Variants in PIEZO2 observed in about 807,000 individuals in gnomAD.
The protein encoded by PIEZO2 is piezo type mechanosensitive ion channel component 2.
In PIEZO2, 172 loss-of-function variants were observed where a neutral mutation model predicts 337.3. That is an observed-to-expected ratio of 0.51 (90% CI 0.45 to 0.58). The LOEUF (loss-of-function observed/expected upper bound fraction) is 0.58, where lower values mean the gene tolerates loss of function less well. Ranked by LOEUF, PIEZO2 falls within the 20% of genes least tolerant of loss-of-function variation. The pLI, the probability that PIEZO2 is intolerant of heterozygous loss-of-function variation, is 0.00. For missense variants in PIEZO2, 3,028 were observed against 3,391.3 expected, an observed-to-expected ratio of 0.89 and a Z score of 2.66; for synonymous variants, 1,251 against 1,228.5, an observed-to-expected ratio of 1.02 and a Z score of -0.38.
intron 2 of PIEZO2, among the ~76,000 whole-genome samples, chr18:11,015,375 C>T (rs1251013003): frequency 6.6e-6 from 1 of 152,186 alleles, no homozygotes; most frequent in African/African-American, 2.4e-5. Flanking sequence ...TGTCTTCCTT[C>T]TCTGTGTGCT....
At chr18:10,977,648 G>A (rs1464024198) in intron 3 of PIEZO2, among the ~76,000 whole-genome samples, 1 of 152,074 alleles carries the variant, frequency 6.6e-6, no homozygotes, top group Non-Finnish European at 1.5e-5. Flanking sequence ...TAAACACTGT[G>A]TTTCATCAAG....
chr18:10,998,199 C>G (rs1021301200), intron 2 of PIEZO2, among the ~76,000 whole-genome samples: 1 of 152,022 alleles, frequency 6.6e-6, no homozygotes, highest in Non-Finnish European at 1.5e-5. Flanking sequence ...AAAATATCCT[C>G]AGAGGAAGGA....
At chr18:10,998,638 T>C (rs1406410236) in intron 2 of PIEZO2, among the ~76,000 whole-genome samples, 5 of 151,922 alleles carry the variant, frequency 3.3e-5, no homozygotes, top group Non-Finnish European at 2.9e-5. Context: ...ACCCAGACAA[T>C]AGATTTGCAA....
In PIEZO2 at chr18:10,750,354, G is replaced by GA. The variant is rs1003419586; in HGVS notation, c.4168-168_4168-167insT. Among the ~76,000 whole-genome samples the GA allele has an allele frequency of 6.6e-6, 1 of 152,206 alleles. No individual in the cohort carries two copies. The highest frequency in any genetic ancestry group is 2.4e-5 in the African/African-American group (1 of 41,452). Reference sequence around the variant, plus strand: ...GTCACCTTGTGGTAGTGCTTCAGGAGCAATGTAAATTCCTGGGAAAAATTA... The same window carrying GA: ...GTCACCTTGTGGTAGTGCTTCAGGAGACAATGTAAATTCCTGGGAAAAATTA... On this transcript the variant is annotated intron_variant, in intron 28 of 55. Transcript: ENST00000674853. The surrounding 1 kb of genome is among the most constrained non-coding windows in gnomAD (Gnocchi z 4.1).
chr18:10,911,427 G>A (rs1398010419), intron 3 of PIEZO2, among the ~76,000 whole-genome samples, 199 bp from the exon 4 acceptor site: 1 of 143,000 alleles, frequency 7.0e-6, no homozygotes, highest in Non-Finnish European at 1.5e-5. Flanking sequence ...CGCATATACA[G>A]AAGTCGAGTC....
rs138086053 is a variant in PIEZO2, at chr18:10,963,554, C to T, written c.286+15981G>A. Among the ~76,000 whole-genome samples the T allele has an allele frequency of 2.5e-3, 376 of 152,306 alleles. 3 individuals carry two copies. Among genetic ancestry groups the T allele is most frequent in the African/African-American group, 8.4e-3 (349 of 41,570 alleles). On this transcript the variant is annotated intron_variant, in intron 3 of 55. Coordinates refer to ENST00000674853, the MANE Select transcript of PIEZO2 (RefSeq NM_001378183.1). Reference sequence around the variant, plus strand: ...ATAAGAAAAAAACTTAATTCACTTTCTGCATTTATCTTCTGTTTCTCCCAA... The same window carrying T: ...ATAAGAAAAAAACTTAATTCACTTTTTGCATTTATCTTCTGTTTCTCCCAA...
chr18:10,949,736 T>A (rs1773586597), intron 3 of PIEZO2, among the ~76,000 whole-genome samples: 1 of 152,208 alleles, frequency 6.6e-6, no homozygotes, highest in Non-Finnish European at 1.5e-5. Context: ...TTCCAGACCC[T>A]CTAAGAAGTC....
rs1224877883 is a variant in PIEZO2 at position 11,148,511 on chromosome 18, C to A, written c.64+14G>T. Reference sequence around the variant, plus strand: ...GTCCTCCTCAAGTGCCCTCGGAAAGCGGACCAGACTCACCTACTGCCAGGC... The same window carrying A: ...GTCCTCCTCAAGTGCCCTCGGAAAGAGGACCAGACTCACCTACTGCCAGGC... On this transcript the variant is annotated intron_variant, in intron 1 of 55. Transcript: ENST00000674853. The surrounding 1 kb of genome is among the most constrained non-coding windows in gnomAD (Gnocchi z 5.2). The A allele has an allele frequency of 6.5e-7, 1 of 1,537,118 alleles. No homozygotes were observed. The highest frequency in any genetic ancestry group is 8.7e-7 in the Non-Finnish European group (1 of 1,146,836).
At chr18:10,986,765 G>A (rs2034890118) in intron 2 of PIEZO2, among the ~76,000 whole-genome samples, 1 of 151,886 alleles carries the variant, frequency 6.6e-6, no homozygotes, top group South Asian at 2.1e-4. Flanking sequence ...AGTTGAAAAG[G>A]AAGATATTAA....
chr18:10,727,276 A>G lies in PIEZO2; in HGVS notation c.5029+4131T>C, dbSNP rs555843703. ...TGGGAATAGAAACTTGTTCTTGCATAAGATGGCTTTGGTTGTCCCGGTACT... is the reference window on the plus strand; with the variant it reads ...TGGGAATAGAAACTTGTTCTTGCATGAGATGGCTTTGGTTGTCCCGGTACT... On this transcript the variant is annotated intron_variant, in intron 36 of 55. Coordinates refer to ENST00000674853, the MANE Select transcript of PIEZO2 (RefSeq NM_001378183.1). The surrounding 1 kb of genome is among the most constrained non-coding windows in gnomAD (Gnocchi z 6.3). 1.8e-3 allele frequency: 322 copies of G among 181,696 alleles called. 1 individual carries two copies. The highest frequency in any genetic ancestry group is 7.2e-3 in the African/African-American group (307 of 42,628). The allele number at this position is 181,696 out of a possible 1,614,324, so 11.3% of individuals were successfully genotyped here.
Position 10,903,574 on chromosome 18 carries a change from G to C in PIEZO2, c.329+7612C>G, listed in dbSNP as rs947997633. On this transcript the variant is annotated intron_variant, in intron 4 of 55. Transcript: ENST00000674853. This position sits in a 1 kb window ranked among gnomAD's most constrained non-coding sequence, Gnocchi z 4.1. ...AGTCCCAGCTACTTGGGAGGCTGAGGCAGGAGAATGGCATGAACCCAGGAG... is the reference window on the plus strand; with the variant it reads ...AGTCCCAGCTACTTGGGAGGCTGAGCCAGGAGAATGGCATGAACCCAGGAG... Among the ~76,000 whole-genome samples the C allele has an allele frequency of 6.6e-6, 1 of 152,112 alleles. No homozygotes were observed. Among genetic ancestry groups the C allele is most frequent in the Admixed American group, 6.5e-5 (1 of 15,292 alleles).
chr18:11,007,679 C>T (rs574656365), intron 2 of PIEZO2, among the ~76,000 whole-genome samples: 15 of 152,204 alleles, frequency 9.9e-5, no homozygotes, highest in African/African-American at 3.6e-4. Flanking sequence ...CTAAAATCAT[C>T]GAAAACAATG....
At chr18:10,897,300 C>T (rs1454587842) in intron 4 of PIEZO2, among the ~76,000 whole-genome samples, 1 of 152,110 alleles carries the variant, frequency 6.6e-6, no homozygotes, top group Admixed American at 6.5e-5. Flanking sequence ...GATTCTCCTG[C>T]CTCAGCCTCC....
At chr18:10,975,586 T>A (rs1418868847) in intron 3 of PIEZO2, among the ~76,000 whole-genome samples, 1 of 152,026 alleles carries the variant, frequency 6.6e-6, no homozygotes, top group African/African-American at 2.4e-5. Context: ...TTTGAAAAAA[T>A]CTTTATTACT....
At chr18:10,723,634 G>T (rs1355609490) in intron 36 of PIEZO2, among the ~76,000 whole-genome samples, 1 of 152,190 alleles carries the variant, frequency 6.6e-6, no homozygotes, top group Admixed American at 6.5e-5. Flanking sequence ...CTGGAAGGGA[G>T]TTGCTGACCA....
At chr18:10,801,930 C>T (rs544041585) in intron 9 of PIEZO2, among the ~76,000 whole-genome samples, 2,361 of 151,706 alleles carry the variant, frequency 0.016, 37 homozygotes, top group Middle Eastern at 0.028. Flanking sequence ...ACTAAAAATA[C>T]AAAAAATTAG....
At chr18:10,749,822 A>T (rs568455836) in intron 29 of PIEZO2, among the ~76,000 whole-genome samples, 1 of 152,332 alleles carries the variant, frequency 6.6e-6, no homozygotes, top group South Asian at 2.1e-4. Flanking sequence ...CCGGGGAGTT[A>T]CTACAGCACT....
intron 3 of PIEZO2, among the ~76,000 whole-genome samples, chr18:10,921,367 T>C (rs1002261692): frequency 6.6e-6 from 1 of 152,308 alleles, no homozygotes; most frequent in South Asian, 2.1e-4. Flanking sequence ...AAAGATTTCA[T>C]AGACATTTGT....
In PIEZO2 at chr18:10,759,828, C is replaced by G; in HGVS notation, c.3532G>C (p.Val1178Leu). The G allele has an allele frequency of 6.5e-7, 1 of 1,537,386 alleles. No homozygotes were observed. Among genetic ancestry groups the G allele is most frequent in the Admixed American group, 2.0e-5 (1 of 51,008 alleles). ...AMIHACWLIA[V>L]LYRRRRKAIA... The stretch of plus-strand genomic sequence containing the variant: ...GCTTTCCTTCTGCGTCTATATAAGA[C>G]AGCGATCAGCCAGCAGGCGTGGATC... Residue 1178 changes from valine to leucine, a missense_variant, in exon 25 of 56, where the codon GTC (valine) becomes CTC (leucine). Physicochemically the swap from Val to Leu is conservative, Grantham distance 32. Transcript: ENST00000674853. This position sits in a 1 kb window ranked among gnomAD's most constrained non-coding sequence, Gnocchi z 5.5.
Sources: gnomAD v4.1 joint callset for allele counts (sites outside exome capture counted in the v4.1 genomes callset) on GRCh38, gnomAD v4.1.1 for gene constraint, Gnocchi (gnomAD v3.1) non-coding constraint, MANE v1.5 for transcripts, NCBI Gene and HGNC (gene_info 2026-07-23, HGNC 2026-07-21) for gene names.